The following LCMT1 variants were observed in gnomAD, a reference collection of about 807,000 sequenced individuals.
LCMT1 encodes the protein leucine carboxyl methyltransferase 1, also known as [Phosphatase 2A protein]-leucine-carboxy methyltransferase 1.
Under a neutral mutation model 47.7 loss-of-function variants are expected in LCMT1, and 32 were observed. The observed-to-expected ratio is 0.67, with a 90% CI of 0.51 to 0.90. LCMT1 has a LOEUF of 0.90. Ranked by LOEUF, LCMT1 falls within the 40% of genes least tolerant of loss-of-function variation. The probability of loss-of-function intolerance (pLI) is 0.00; values close to 1 mark genes in which losing one functional copy is unlikely to be tolerated. For missense variants in LCMT1, 375 were observed against 415.2 expected (o/e 0.90, Z 0.84); for synonymous variants, 152 against 149.7 (o/e 1.02, Z -0.11).
intron 1 of LCMT1, among the ~76,000 whole-genome samples, chr16:25,120,219 GGTTTTTTTGTTTT>G (rs1252823035): frequency 1.3e-5 from 2 of 149,612 alleles, no homozygotes; most frequent in Non-Finnish European, 2.9e-5. Flanking sequence ...AAATTTTATG[GGTTTTTTTGTTTT>G]GTTTTTTTGA....
intron 4 of LCMT1, among the ~76,000 whole-genome samples, chr16:25,149,310 G>A (rs1217497219): frequency 1.3e-5 from 2 of 152,192 alleles, no homozygotes; most frequent in Non-Finnish European, 2.9e-5. Context: ...GTTCTTCAGT[G>A]TGGTCCAGGG....
intron 1 of LCMT1, among the ~76,000 whole-genome samples, chr16:25,120,640 T>G (rs9923082): frequency 0.99 from 151,056 of 151,934 alleles, 75,098 homozygotes; most frequent in Middle Eastern, 1. Flanking sequence ...ATGTAGCCAG[T>G]CTGTTCTCGA....
At chr16:25,165,371 G>A (rs1321418445) in intron 7 of LCMT1, among the ~76,000 whole-genome samples, 2 of 152,116 alleles carry the variant, frequency 1.3e-5, no homozygotes, top group Admixed American at 1.3e-4. Context: ...TTGAATCCTG[G>A]CCCTGGCTTG....
chr16:25,151,548 CCATAGATGCAAGCCT>C lies in LCMT1; in HGVS notation c.405-4_415del. On this transcript the variant is annotated splice_acceptor_variant and splice_polypyrimidine_tract_variant and coding_sequence_variant and intron_variant, in exon 5 of 11. Transcript: ENST00000399069. LOFTEE classifies it high-confidence loss of function. The stretch of plus-strand genomic sequence containing the variant: ...CATTTTTCTCCTCTTTCCCATCTTC[CCATAGATGCAAGCCT>C]CCCCTATCCAGCCCCATTCTAGAAC... 6.2e-7 allele frequency: 1 copy of C among 1,611,082 alleles called. No individual in the cohort carries two copies. The highest frequency in any genetic ancestry group is 8.5e-7 in the Non-Finnish European group (1 of 1,177,774).
chr16:25,137,946 C>G (rs931698866), intron 3 of LCMT1, among the ~76,000 whole-genome samples: 15 of 152,210 alleles, frequency 9.9e-5, no homozygotes, highest in Middle Eastern at 3.4e-3. Flanking sequence ...CACTCACCCC[C>G]CCGGGATTCA....
At chr16:25,134,919 A>C (rs1960459451) in intron 3 of LCMT1, among the ~76,000 whole-genome samples, 1 of 151,986 alleles carries the variant, frequency 6.6e-6, no homozygotes, top group Non-Finnish European at 1.5e-5. Flanking sequence ...GTGTTTTTGT[A>C]ATGAGTTGTC....
intron 3 of LCMT1, among the ~76,000 whole-genome samples, chr16:25,138,766 G>C (rs967114794): frequency 8.5e-5 from 13 of 152,124 alleles, no homozygotes; most frequent in African/African-American, 3.1e-4. Context: ...ACGTTGTGCA[G>C]TATTCAAAAC....
Position 25,167,474 on chromosome 16 carries a change from TCTTGA to T in LCMT1, c.691-1634_691-1630del, listed in dbSNP as rs59190717. Among the ~76,000 whole-genome samples, 782 of 152,030 alleles carry T rather than the reference TCTTGA, an allele frequency of 5.1e-3. 9 individuals carry two copies. Among genetic ancestry groups the T allele is most frequent in the African/African-American group, 0.018 (743 of 41,452 alleles). On this transcript the variant is annotated intron_variant, in intron 7 of 10. Coordinates refer to ENST00000399069, the MANE Select transcript of LCMT1 (RefSeq NM_016309.3). ...TAGGACTGTAGGTGCACACCACCAC[TCTTGA>T]CTTTATTTTTTTGGTAGAGACAGGG...
Position 25,161,209 on chromosome 16 carries a change from GA to G in LCMT1, c.569+6del, listed in dbSNP as rs930207474. The G allele has an allele frequency of 2.6e-6, 4 of 1,557,496 alleles. No homozygotes were observed. The highest frequency in any genetic ancestry group is 2.3e-5 in the South Asian group (2 of 86,010). On this transcript the variant is annotated splice_donor_region_variant and intron_variant, in intron 6 of 10. Coordinates refer to ENST00000399069, the MANE Select transcript of LCMT1 (RefSeq NM_016309.3). ...GAAATGTAACATGAATACACAGTGA[GA>G]TTTTTTTTTTTAAACCTCTTCTGCA... is the stretch of plus-strand genomic sequence containing the variant.
intron 10 of LCMT1, among the ~76,000 whole-genome samples, chr16:25,175,389 T>C (rs1353473587): frequency 6.6e-6 from 1 of 150,902 alleles, no homozygotes; most frequent in Non-Finnish European, 1.5e-5. Flanking sequence ...TTTGGGAGGC[T>C]GAGGTGGGCA....
chr16:25,131,447 T>G (rs1960347099), intron 2 of LCMT1, among the ~76,000 whole-genome samples: 1 of 152,180 alleles, frequency 6.6e-6, no homozygotes, highest in Non-Finnish European at 1.5e-5. Flanking sequence ...GGATGATATC[T>G]CTGTAAAATA....
chr16:25,165,764 A>G (rs570558661), intron 7 of LCMT1, among the ~76,000 whole-genome samples: 311 of 151,124 alleles, frequency 2.1e-3, no homozygotes, highest in South Asian at 6.5e-3. Context: ...TGATCTGCCC[A>G]TCTCGGCCAC....
At position 25,177,784 on chromosome 16, in the gene LCMT1, TATA is replaced by T. The variant is rs533741749; in HGVS notation, c.983-214_983-212del. On this transcript the variant is annotated intron_variant, in intron 10 of 10. Transcript: ENST00000399069. ...TAACTGCAGACAGTCCATAAACTGT[TATA>T]ATGTTTTCTTAATCATTTTAAAACC... 9.2e-5 allele frequency among the ~76,000 whole-genome samples: 14 copies of T among 152,330 alleles called. No individual in the cohort carries two copies. The South Asian group carries it at 2.9e-3, about 32-fold the overall frequency.
At chr16:25,144,396 GGGTC>G (rs1960788138) in intron 4 of LCMT1, 2 of 152,192 alleles carry the variant, frequency 1.3e-5, no homozygotes, top group African/African-American at 4.8e-5. Context: ...CCTGCCTTTT[GGGTC>G]TCCCTCCACA....
chr16:25,126,760 G>C (rs1960204746), intron 1 of LCMT1, among the ~76,000 whole-genome samples: 1 of 152,226 alleles, frequency 6.6e-6, no homozygotes, highest in South Asian at 2.1e-4. Flanking sequence ...CAACAGAGCT[G>C]CTTAGCAGCG....
chr16:25,159,105 T>A (rs1054112527), intron 5 of LCMT1, among the ~76,000 whole-genome samples: 2 of 152,246 alleles, frequency 1.3e-5, no homozygotes, highest in Non-Finnish European at 2.9e-5. Context: ...AACTACATGG[T>A]ACTAGACTTC....
At chr16:25,170,862 T>C in intron 9 of LCMT1, 57 bp downstream of exon 9, 1 of 1,075,236 alleles carries the variant, frequency 9.3e-7, no homozygotes, top group South Asian at 1.4e-5. Flanking sequence ...CAAGGCATGA[T>C]TGCCTGTATT....
intron 9 of LCMT1, among the ~76,000 whole-genome samples, chr16:25,171,716 A>G (rs1327361564): frequency 6.6e-6 from 1 of 152,218 alleles, no homozygotes; most frequent in Non-Finnish European, 1.5e-5. Flanking sequence ...TCTCCCCATT[A>G]TAAAGGAAAT....
At chr16:25,129,153 C>G (rs1960279157) in intron 2 of LCMT1, among the ~76,000 whole-genome samples, 1 of 151,430 alleles carries the variant, frequency 6.6e-6, no homozygotes, top group South Asian at 2.1e-4. Context: ...AGGACATGAT[C>G]TCATTCCTTT....
Sources: allele counts gnomAD v4.1 joint callset (sites outside exome capture counted in the v4.1 genomes callset), GRCh38; gene constraint gnomAD v4.1.1; transcripts MANE v1.5; gene names NCBI Gene and HGNC (gene_info 2026-07-23, HGNC 2026-07-21).